PHF20: variants seen among roughly 807,000 people sequenced by gnomAD.
The protein encoded by PHF20 is glioma-expressed antigen 2.
A neutral mutation model predicts 113.5 loss-of-function variants in PHF20; 23 were observed. The ratio of observed to expected loss-of-function variants is 0.20; its 90% CI spans 0.15 to 0.29. The LOEUF (loss-of-function observed/expected upper bound fraction) is 0.29, where lower values mean the gene tolerates loss of function less well. PHF20 is among the 10% of genes least tolerant of loss of function. The pLI, the probability that PHF20 is intolerant of heterozygous loss-of-function variation, is 1.00. For missense variants in PHF20, 943 were observed against 1,219.6 expected, an observed-to-expected ratio of 0.77 and a Z score of 3.38; for synonymous variants, 434 against 457.3, an observed-to-expected ratio of 0.95 and a Z score of 0.65.
chr20:35,844,636 C>T lies in PHF20; in HGVS notation c.255+1892C>T, dbSNP rs181838729. ...AAAGTTCATCCTAAGAAGAAGATATCGAGTCCAAAGAGGGTTATCAACTTT... is the reference window on the plus strand; with the variant it reads ...AAAGTTCATCCTAAGAAGAAGATATTGAGTCCAAAGAGGGTTATCAACTTT... On this transcript the variant is annotated intron_variant, in intron 3 of 17. Coordinates refer to ENST00000374012, the MANE Select transcript of PHF20 (RefSeq NM_016436.5). Among the ~76,000 whole-genome samples, 376 of 148,430 alleles carry T rather than the reference C, an allele frequency of 2.5e-3. 3 individuals are homozygous for T. Among genetic ancestry groups the T allele is most frequent in the Middle Eastern group, 0.021 (6 of 290 alleles).
chr20:35,794,671 G>A (rs979873863), intron 1 of PHF20, among the ~76,000 whole-genome samples: 4 of 151,982 alleles, frequency 2.6e-5, no homozygotes, highest in South Asian at 2.1e-4. Context: ...TTTTTTCCTC[G>A]AAAGTTCCAG....
At position 35,863,324 on chromosome 20, in the gene PHF20, C is replaced by G. The variant is rs2054253391; in HGVS notation, c.732C>G (p.Asp244Glu). The G allele has an allele frequency of 6.2e-7, 1 of 1,613,802 alleles. No individual in the cohort carries two copies. The highest frequency in any genetic ancestry group is 2.2e-5 in the East Asian group (1 of 44,876). The change falls in exon 6 of 18, where the codon GAC (aspartate) becomes GAG (glutamate). Residue 244 changes from aspartate (D) to glutamate (E), a missense_variant. By Grantham distance (45) the Asp-to-Glu change is conservative (BLOSUM62 2). Around this residue, in one of 3 missense-constraint regions of PHF20, gnomAD observed 592 missense variants for 787.2 expected, o/e 0.75. Transcript: ENST00000374012. Reference protein sequence around the residue: ...DAQVDKKPENDIVKSPQENLR... With the variant: ...DAQVDKKPENEIVKSPQENLR... ...AAGTGGATAAGAAACCTGAAAATGACATTGTGAAGAGTCCACAAGAAAACT... is the reference window on the plus strand; with the variant it reads ...AAGTGGATAAGAAACCTGAAAATGAGATTGTGAAGAGTCCACAAGAAAACT...
chr20:35,810,393 G>C (rs1425733168), intron 2 of PHF20, among the ~76,000 whole-genome samples: 1 of 152,052 alleles, frequency 6.6e-6, no homozygotes, highest in East Asian at 1.9e-4. Context: ...TTTTTACACT[G>C]TCATGCCCAC....
At chr20:35,857,402 GT>G (rs887985891) in intron 4 of PHF20, among the ~76,000 whole-genome samples, 18 of 151,956 alleles carry the variant, frequency 1.2e-4, no homozygotes, top group Admixed American at 1.1e-3. Context: ...AAAACTAACA[GT>G]GTAGCAGAAA....
At chr20:35,882,314 T>G (rs966967855) in intron 9 of PHF20, among the ~76,000 whole-genome samples, 1 of 152,242 alleles carries the variant, frequency 6.6e-6, no homozygotes, top group African/African-American at 2.4e-5. Context: ...GTTACACTCC[T>G]ACCTCTGGGC....
At chr20:35,859,378 C>A (rs2054174773) in intron 5 of PHF20, among the ~76,000 whole-genome samples, 1 of 151,996 alleles carries the variant, frequency 6.6e-6, no homozygotes, top group Non-Finnish European at 1.5e-5. Flanking sequence ...GGATATTAGT[C>A]TTTTTAAAAA....
chr20:35,873,458 G>GTT lies in PHF20; in HGVS notation c.1282+1635_1282+1636dup, dbSNP rs1400135809. On this transcript the variant is annotated intron_variant, in intron 9 of 17. Transcript: ENST00000374012. ...GCTAACATTTGGCTGTGTTTTGTCT[G>GTT]TTTTTTTGTTTTTTTTTTTTTTTTT... Among the ~76,000 whole-genome samples the GTT allele has an allele frequency of 5.8e-4, 66 of 114,548 alleles. 1 individual carries two copies. The highest frequency in any genetic ancestry group is 9.2e-4 in the South Asian group (3 of 3,258). 75.1% of individuals were successfully genotyped at this position (114,548 alleles called of 152,430 possible).
intron 13 of PHF20, among the ~76,000 whole-genome samples, chr20:35,924,362 T>C (rs1295205925): frequency 6.6e-6 from 1 of 151,216 alleles, no homozygotes; most frequent in Non-Finnish European, 1.5e-5. Context: ...GCTTGGCTAA[T>C]TTTGTATTTT....
intron 4 of PHF20, among the ~76,000 whole-genome samples, chr20:35,854,084 G>A (rs1357263443): frequency 6.6e-6 from 1 of 152,130 alleles, no homozygotes; most frequent in African/African-American, 2.4e-5. Context: ...GAAAAAAAGA[G>A]GCCCTGGAAT....
At chr20:35,893,347 G>C (rs1395255843) in intron 9 of PHF20, among the ~76,000 whole-genome samples, 1 of 149,030 alleles carries the variant, frequency 6.7e-6, no homozygotes, top group Non-Finnish European at 1.5e-5. Context: ...TTTCGCTCTT[G>C]TCACCCAGGT....
chr20:35,897,834 TG>T (rs2147053848), intron 9 of PHF20, among the ~76,000 whole-genome samples: 1 of 151,910 alleles, frequency 6.6e-6, no homozygotes, highest in East Asian at 1.9e-4. Flanking sequence ...CCTAAAGTGC[TG>T]GGATTACAGG....
At chr20:35,827,525 C>G (rs563148333) in intron 2 of PHF20, among the ~76,000 whole-genome samples, 1 of 151,856 alleles carries the variant, frequency 6.6e-6, no homozygotes, top group East Asian at 2.0e-4. Flanking sequence ...TGGCTCACGC[C>G]TGTAATCCCA....
At chr20:35,817,976 A>G (rs1487488019) in intron 2 of PHF20, among the ~76,000 whole-genome samples, 1 of 151,568 alleles carries the variant, frequency 6.6e-6, no homozygotes, top group Admixed American at 6.6e-5. Context: ...TTTTATAATT[A>G]AAGTATAAAT....
chr20:35,927,900 G>A, intron 14 of PHF20, 21 bp downstream of exon 14: 1 of 1,511,704 alleles, frequency 6.6e-7, no homozygotes, highest in Non-Finnish European at 9.2e-7. Flanking sequence ...CTGGAGTCAG[G>A]GATATAACAG....
intron 17 of PHF20, among the ~76,000 whole-genome samples, chr20:35,942,886 C>G (rs1035050791): frequency 1.3e-5 from 2 of 151,710 alleles, no homozygotes; most frequent in African/African-American, 4.8e-5. Context: ...TGCAGTGGTG[C>G]CATCTCAGCT....
chr20:35,864,302 G>A (rs1197453047), intron 6 of PHF20, among the ~76,000 whole-genome samples: 1 of 151,926 alleles, frequency 6.6e-6, no homozygotes, highest in Admixed American at 6.6e-5. Context: ...TGAGTGCGTT[G>A]GTGCATGTTT....
chr20:35,833,493 T>A (rs1231484633), intron 2 of PHF20, among the ~76,000 whole-genome samples: 1 of 152,196 alleles, frequency 6.6e-6, no homozygotes, highest in African/African-American at 2.4e-5. Context: ...ACAACATGAA[T>A]ATCACTGGTT....
At position 35,858,626 on chromosome 20, in the gene PHF20, A is replaced by C. The variant is rs143995591; in HGVS notation, c.420+245A>C. Among the ~76,000 whole-genome samples, 808 of 152,334 alleles carry C rather than the reference A, an allele frequency of 5.3e-3. 9 individuals are homozygous for C. The highest frequency in any genetic ancestry group is 0.019 in the African/African-American group (775 of 41,572). ...CGCTCTGTCGCCCAGGCTGGAGTAC[A>C]ATGGTGCGATCTTGGCTCACTGCAA... On this transcript the variant is annotated intron_variant, in intron 5 of 17. Transcript: ENST00000374012.
intron 10 of PHF20, among the ~76,000 whole-genome samples, chr20:35,903,562 C>T (rs2055143994): frequency 6.6e-6 from 1 of 152,054 alleles, no homozygotes; most frequent in Non-Finnish European, 1.5e-5. Context: ...TACCCCCATC[C>T]ACATGTCAAG....
Sources: gnomAD v4.1 joint callset for allele counts (sites outside exome capture counted in the v4.1 genomes callset) on GRCh38, gnomAD v4.1.1 for gene constraint, gnomAD v4.1.1 regional missense constraint, MANE v1.5 for transcripts, NCBI Gene and HGNC (gene_info 2026-07-23, HGNC 2026-07-21) for gene names.